The following PROM1 variants were observed in gnomAD, a reference collection of about 807,000 sequenced individuals.
The protein encoded by PROM1 is prominin-1.
Under a neutral mutation model 116.9 loss-of-function variants are expected in PROM1, and 105 were observed. That is an observed-to-expected ratio of 0.90 (90% CI 0.77 to 1.06). The LOEUF is 1.06. Ranked by LOEUF, PROM1 falls within the 50% of genes least tolerant of loss-of-function variation. The pLI is 0.00. For synonymous variants in PROM1, 393 were observed against 387.0 expected (o/e 1.02, Z -0.18); for missense variants, 1,122 against 1,045.2 (o/e 1.07, Z -1.01).
chr4:16,021,371 G>T (rs1248646842), intron 8 of PROM1, among the ~76,000 whole-genome samples: 1 of 152,020 alleles, frequency 6.6e-6, no homozygotes, highest in African/African-American at 2.4e-5. Flanking sequence ...ATATACTTTT[G>T]CCCAGCCTTC....
intron 23 of PROM1, 129 bp downstream of exon 23, chr4:15,984,134 C>G (rs1225300670): frequency 5.0e-6 from 4 of 804,044 alleles, no homozygotes; most frequent in Non-Finnish European, 7.8e-6. Flanking sequence ...ATACACTGAT[C>G]AAAATATTAC....
At chr4:16,020,092 C>T (rs1262495011) in intron 8 of PROM1, among the ~76,000 whole-genome samples, 1 of 152,122 alleles carries the variant, frequency 6.6e-6, no homozygotes, top group African/African-American at 2.4e-5. Flanking sequence ...GCCCTAATAG[C>T]TTGTGGGGCT....
Position 15,987,719 on chromosome 4 carries a change from G to T in PROM1, c.2077-3C>A. The T allele has an allele frequency of 6.2e-7, 1 of 1,608,162 alleles. No individual in the cohort carries two copies. The highest frequency in any genetic ancestry group is 8.5e-7 in the Non-Finnish European group (1 of 1,177,734). On this transcript the variant is annotated splice_polypyrimidine_tract_variant and splice_region_variant and intron_variant, in intron 19 of 27. Coordinates refer to ENST00000447510, the MANE Select transcript of PROM1 (RefSeq NM_006017.3). ...TTGACGCTTTGGTATAGAGTGCTCT[G>T]GCAAGAAACAGATAATATTTCCAAA...
intron 19 of PROM1, among the ~76,000 whole-genome samples, chr4:15,988,445 A>G (rs1447176445): frequency 6.6e-6 from 1 of 152,220 alleles, no homozygotes; most frequent in Non-Finnish European, 1.5e-5. Context: ...AGTCCCAACT[A>G]CTCAACTTTG....
At chr4:15,992,535 T>C in intron 16 of PROM1, 144 bp from the exon 17 acceptor site, 2 of 829,912 alleles carry the variant, frequency 2.4e-6, no homozygotes, top group Non-Finnish European at 3.6e-6. Context: ...GGAGGATCGC[T>C]TGAGCTCAGG....
intron 10 of PROM1, among the ~76,000 whole-genome samples, chr4:16,014,891 G>T (rs1010355837): frequency 6.6e-6 from 1 of 152,204 alleles, no homozygotes; most frequent in Admixed American, 6.5e-5. Context: ...GACCAATGCT[G>T]TCCCTGCGTT....
At chr4:16,047,453 C>T (rs1316219452) in intron 2 of PROM1, among the ~76,000 whole-genome samples, 2 of 152,118 alleles carry the variant, frequency 1.3e-5, no homozygotes, top group Admixed American at 6.5e-5. Context: ...GATCTGCCTG[C>T]CTCAGCCTCC....
chr4:15,975,871 C>T (rs192102067), intron 26 of PROM1, among the ~76,000 whole-genome samples: 1 of 152,196 alleles, frequency 6.6e-6, no homozygotes, highest in East Asian at 1.9e-4. Context: ...GATGCTTCAG[C>T]GAAACTCACA....
At chr4:15,999,490 C>T (rs1239006387) in intron 14 of PROM1, among the ~76,000 whole-genome samples, 2 of 148,120 alleles carry the variant, frequency 1.4e-5, no homozygotes, top group Non-Finnish European at 2.9e-5. Context: ...AAAAAATTCA[C>T]ACACTCTCTG....
At chr4:16,053,968 C>T (rs1029195281) in intron 2 of PROM1, among the ~76,000 whole-genome samples, 2 of 152,204 alleles carry the variant, frequency 1.3e-5, no homozygotes, top group Non-Finnish European at 2.9e-5. Flanking sequence ...GTGGTGAGCA[C>T]TTGTCATCCC....
chr4:16,081,697 T>G (rs540577860), intron 1 of PROM1, among the ~76,000 whole-genome samples: 23 of 152,330 alleles, frequency 1.5e-4, no homozygotes, highest in African/African-American at 5.1e-4. Context: ...AATAGCTCTT[T>G]GCTCCCTGAA....
At chr4:16,054,402 T>C (rs1372083262) in intron 2 of PROM1, among the ~76,000 whole-genome samples, 1 of 152,176 alleles carries the variant, frequency 6.6e-6, no homozygotes, top group African/African-American at 2.4e-5. Context: ...CATATCTTGA[T>C]TTGTCCAGAC....
At chr4:15,969,854 G>A (rs1482063111) in intron 27 of PROM1, among the ~76,000 whole-genome samples, 2 of 152,142 alleles carry the variant, frequency 1.3e-5, no homozygotes, top group East Asian at 3.9e-4. Context: ...TGGGATTACA[G>A]GCATGAGCTA....
chr4:16,011,502 T>G (rs1377682498), intron 11 of PROM1, among the ~76,000 whole-genome samples: 1 of 152,218 alleles, frequency 6.6e-6, no homozygotes, highest in Non-Finnish European at 1.5e-5. Flanking sequence ...AGGAAGACAC[T>G]GGCTTGTGCT....
intron 26 of PROM1, among the ~76,000 whole-genome samples, chr4:15,974,118 T>TTCTCTCTCTC (rs35011290): frequency 0.021 from 3,213 of 149,446 alleles, 53 homozygotes; most frequent in Middle Eastern, 0.065. Context: ...CTCTCTCTCT[T>TTCTCTCTCTC]TCTCTCTCTC....
intron 2 of PROM1, among the ~76,000 whole-genome samples, chr4:16,039,417 A>C (rs1370359459): frequency 6.6e-6 from 1 of 152,222 alleles, no homozygotes; most frequent in East Asian, 1.9e-4. Context: ...ATATTTTACA[A>C]AGGAATGGAT....
At chr4:16,082,227 T>C (rs4326011) in intron 1 of PROM1, 68,766 of 151,880 alleles carry the variant, frequency 0.45, 16,550 homozygotes, top group Admixed American at 0.53. Context: ...AAAAGAAAAA[T>C]GAGTAACATC....
chr4:15,994,998 G>C (rs1326097894), intron 15 of PROM1, among the ~76,000 whole-genome samples: 1 of 152,224 alleles, frequency 6.6e-6, no homozygotes, highest in East Asian at 1.9e-4. Flanking sequence ...ACTTGGCTTT[G>C]TCCTCTCAGC....
At chr4:16,074,744 T>C (rs964443685) in intron 2 of PROM1, among the ~76,000 whole-genome samples, 2 of 152,152 alleles carry the variant, frequency 1.3e-5, no homozygotes, top group Non-Finnish European at 2.9e-5. Flanking sequence ...CCCCATAATA[T>C]AAACATGTGA....
Sources: gnomAD v4.1 joint callset for allele counts (sites outside exome capture counted in the v4.1 genomes callset) on GRCh38, gnomAD v4.1.1 for gene constraint, MANE v1.5 for transcripts, NCBI Gene and HGNC (gene_info 2026-07-23, HGNC 2026-07-21) for gene names.